Variants in CNTNAP5 observed in about 807,000 individuals in gnomAD.
CNTNAP5 encodes contactin associated protein family member 5, also known as contactin-associated protein-like 5.
In CNTNAP5, 72 loss-of-function variants were observed where a neutral mutation model predicts 150.2. That is an observed-to-expected ratio of 0.48 (90% confidence interval 0.40 to 0.58). CNTNAP5 has a LOEUF of 0.58. CNTNAP5 is among the 20% of genes least tolerant of loss of function. The probability of loss-of-function intolerance (pLI) is 0.00; values close to 1 mark genes in which losing one functional copy is unlikely to be tolerated. For missense variants in CNTNAP5, 1,636 were observed against 1,626.2 expected (o/e 1.01, Z -0.10); for synonymous variants, 672 against 619.8 (o/e 1.08, Z -1.25).
At chr2:124,667,560 G>T (rs1678726630) in intron 13 of CNTNAP5, among the ~76,000 whole-genome samples, 3 of 152,076 alleles carry the variant, frequency 2.0e-5, no homozygotes, top group Non-Finnish European at 4.4e-5. Flanking sequence ...CCTGCCTCAG[G>T]GCAATGCTAA....
At chr2:124,876,532 C>T (rs532710089) in intron 21 of CNTNAP5, among the ~76,000 whole-genome samples, 57 of 151,666 alleles carry the variant, frequency 3.8e-4, no homozygotes, top group African/African-American at 1.3e-3. Context: ...AGGATTGTGC[C>T]GGTGTGCATC....
chr2:124,824,417 TAAAC>T (rs1682551971), intron 19 of CNTNAP5, among the ~76,000 whole-genome samples: 2 of 152,126 alleles, frequency 1.3e-5, no homozygotes, highest in African/African-American at 4.8e-5. Flanking sequence ...TTAAAAGAAA[TAAAC>T]AAAAATCTGT....
intron 1 of CNTNAP5, among the ~76,000 whole-genome samples, chr2:124,192,381 C>G (rs1439706824): frequency 1.3e-5 from 2 of 152,074 alleles, no homozygotes; most frequent in African/African-American, 2.4e-5. Context: ...ACTTCTTTGC[C>G]CGATCAAGTA....
intron 1 of CNTNAP5, among the ~76,000 whole-genome samples, chr2:124,213,527 C>T (rs928627125): frequency 6.6e-6 from 1 of 151,844 alleles, no homozygotes; most frequent in Non-Finnish European, 1.5e-5. Flanking sequence ...AATACCAGGG[C>T]AAAAAAAGAA....
At chr2:124,659,168 A>T (rs1225623906) in intron 13 of CNTNAP5, among the ~76,000 whole-genome samples, 1 of 152,236 alleles carries the variant, frequency 6.6e-6, no homozygotes, top group Non-Finnish European at 1.5e-5. Context: ...TTCACTCTTC[A>T]TAACTTTTTA....
chr2:124,513,695 C>T lies in CNTNAP5; in HGVS notation c.1327+9139C>T, dbSNP rs137907509. 2.0e-3 allele frequency among the ~76,000 whole-genome samples: 312 copies of T among 152,216 alleles called. 1 individual carries two copies. The highest frequency in any genetic ancestry group is 3.1e-3 in the Non-Finnish European group (211 of 68,022). ...CAGTCCTGTTACAACAATTATATGC[C>T]GCATAATGTGTCAAACCCAGGAATG... On this transcript the variant is annotated intron_variant, in intron 8 of 23. Transcript: ENST00000682447.
chr2:124,902,171 C>T (rs1678426865), intron 21 of CNTNAP5, among the ~76,000 whole-genome samples: 1 of 152,096 alleles, frequency 6.6e-6, no homozygotes, highest in African/African-American at 2.4e-5. Flanking sequence ...AATCTTACCA[C>T]CAATCTTGAA....
chr2:124,405,897 C>T (rs1041112636), intron 3 of CNTNAP5, among the ~76,000 whole-genome samples: 1 of 152,116 alleles, frequency 6.6e-6, no homozygotes, highest in Non-Finnish European at 1.5e-5. Flanking sequence ...ATTAAATTTC[C>T]TGTCTTGCTA....
chr2:124,209,908 A>G (rs865876368), intron 1 of CNTNAP5, among the ~76,000 whole-genome samples: 29 of 152,230 alleles, frequency 1.9e-4, no homozygotes, highest in African/African-American at 6.8e-4. Context: ...ATGAGTGAGC[A>G]AGTGGAAGGT....
intron 1 of CNTNAP5, among the ~76,000 whole-genome samples, chr2:124,141,725 C>T (rs1387507280): frequency 8.0e-5 from 2 of 24,866 alleles, no homozygotes; most frequent in African/African-American, 3.7e-4. Context: ...GAAGAAACTG[C>T]ATCAACTAAT....
At chr2:124,682,355 C>T (rs1281476737) in intron 13 of CNTNAP5, among the ~76,000 whole-genome samples, 1 of 152,166 alleles carries the variant, frequency 6.6e-6, no homozygotes, top group Non-Finnish European at 1.5e-5. Context: ...CTGCTTCTCC[C>T]CAAACCAGCT....
At chr2:124,600,784 A>G (rs1696970690) in intron 11 of CNTNAP5, among the ~76,000 whole-genome samples, 1 of 151,624 alleles carries the variant, frequency 6.6e-6, no homozygotes, top group Non-Finnish European at 1.5e-5. Context: ...AGAGAAAGAG[A>G]GAAGCAAAAA....
At chr2:124,647,002 G>T (rs1383952484) in intron 12 of CNTNAP5, among the ~76,000 whole-genome samples, 1 of 152,128 alleles carries the variant, frequency 6.6e-6, no homozygotes, top group Non-Finnish European at 1.5e-5. Context: ...TTAATAAAAG[G>T]AAGTGATTTA....
intron 1 of CNTNAP5, among the ~76,000 whole-genome samples, chr2:124,113,592 GTGTT>G (rs1683354308): frequency 6.6e-6 from 1 of 150,568 alleles, no homozygotes; most frequent in African/African-American, 2.4e-5. Flanking sequence ...GTTCTCTCTT[GTGTT>G]ATAAATATGT....
intron 3 of CNTNAP5, among the ~76,000 whole-genome samples, chr2:124,380,863 A>G (rs1307771957): frequency 6.6e-6 from 1 of 152,212 alleles, no homozygotes; most frequent in Non-Finnish European, 1.5e-5. Context: ...GGAAACAAGC[A>G]TGCTCTAAAG....
chr2:124,269,235 A>G (rs544191730), intron 3 of CNTNAP5, among the ~76,000 whole-genome samples: 9 of 152,192 alleles, frequency 5.9e-5, no homozygotes, highest in Non-Finnish European at 1.3e-4. Context: ...GAATCTGGTC[A>G]TCTATTTCAG....
intron 20 of CNTNAP5, among the ~76,000 whole-genome samples, chr2:124,868,943 A>G (rs1376042272): frequency 6.6e-6 from 1 of 152,116 alleles, no homozygotes; most frequent in Non-Finnish European, 1.5e-5. Flanking sequence ...AAAAGTGAGA[A>G]TGAATGGGGA....
At chr2:124,850,809 T>C (rs1191950636) in intron 19 of CNTNAP5, among the ~76,000 whole-genome samples, 1 of 152,076 alleles carries the variant, frequency 6.6e-6, no homozygotes, top group Non-Finnish European at 1.5e-5. Flanking sequence ...TGAAGCATTT[T>C]AGAAAGAAAA....
At chr2:124,131,770 T>C (rs988559413) in intron 1 of CNTNAP5, among the ~76,000 whole-genome samples, 1 of 152,192 alleles carries the variant, frequency 6.6e-6, no homozygotes, top group African/African-American at 2.4e-5. Flanking sequence ...GTTATAAGCA[T>C]TCTTCTATTT....
Sources: gnomAD v4.1 joint callset for allele counts (sites outside exome capture counted in the v4.1 genomes callset) on GRCh38, gnomAD v4.1.1 for gene constraint, MANE v1.5 for transcripts, NCBI Gene and HGNC (gene_info 2026-07-23, HGNC 2026-07-21) for gene names.